Variants in ANKRD30A observed in about 807,000 individuals in gnomAD.
ANKRD30A encodes ankyrin repeat domain-containing protein 30A.
ANKRD30A carries 170 observed loss-of-function variants against 166.3 expected under a neutral mutation model. That is an observed-to-expected ratio of 1.02 (90% CI 0.90 to 1.16). The LOEUF (loss-of-function observed/expected upper bound fraction) is 1.16. Ranked by LOEUF, ANKRD30A falls within the 50% of genes most tolerant of loss-of-function variation. The probability of loss-of-function intolerance (pLI) is 0.00; values close to 1 mark genes in which losing one functional copy is unlikely to be tolerated. For synonymous variants in ANKRD30A, 564 were observed against 508.9 expected (o/e 1.11, Z -1.46); for missense variants, 1,630 against 1,518.0 (o/e 1.07, Z -1.23).
At position 37,216,314 on chromosome 10, in the gene ANKRD30A, G is replaced by C. The variant is rs140013037; in HGVS notation, c.3003G>C (p.Lys1001Asn). Residue 1001 changes from lysine to asparagine, a missense_variant, in exon 32 of 36, where the codon AAG becomes AAC. Physicochemically the swap from Lys to Asn is moderately conservative, Grantham distance 94. Coordinates refer to ENST00000361713, the MANE Select transcript of ANKRD30A (RefSeq NM_052997.3). ...QMKKKFCVLK[K>N]KLSEAKEIKS... The stretch of plus-strand genomic sequence containing the variant: ...AAAAGAAGTTTTGTGTACTGAAAAA[G>C]AAACTGTCAGAAGCAAAAGAAATAA... The C allele has an allele frequency of 3.2e-4, 519 of 1,608,664 alleles. 2 individuals carry two copies. The African/African-American group carries it at 6.0e-3, about 19-fold the overall frequency.
chr10:37,152,884 G>A (rs1838060388), intron 12 of ANKRD30A, among the ~76,000 whole-genome samples: 1 of 152,044 alleles, frequency 6.6e-6, no homozygotes, highest in Non-Finnish European at 1.5e-5. Context: ...AAGTCAATAG[G>A]TAGATTTTAT....
chr10:37,138,153 G>C (rs1284398180), intron 6 of ANKRD30A, among the ~76,000 whole-genome samples: 1 of 152,128 alleles, frequency 6.6e-6, no homozygotes, highest in Non-Finnish European at 1.5e-5. Context: ...TCCAACAGAC[G>C]TGCAGCTGAG....
chr10:37,220,341 T>G (rs903049292), intron 34 of ANKRD30A, among the ~76,000 whole-genome samples: 4 of 151,136 alleles, frequency 2.6e-5, no homozygotes, highest in Non-Finnish European at 5.9e-5. Flanking sequence ...CAATTTACTT[T>G]GACAGTTAAT....
At chr10:37,265,448 C>T in the ANKRD30A span, among the ~76,000 whole-genome samples, 2 of 152,180 alleles carry the variant, frequency 1.3e-5, no homozygotes, top group African/African-American at 4.8e-5. Flanking sequence ...TGCACTGGCT[C>T]TTCTTCTCTG....
In ANKRD30A at chr10:37,201,219, A is replaced by T. The variant is rs767760523; in HGVS notation, c.2779-16A>T. ...ATTTTTCCATTGAAATTATTTATTG[A>T]TATTACTTTTAACAGAGTCTCCGTG... On this transcript the variant is annotated splice_polypyrimidine_tract_variant and intron_variant, in intron 30 of 35. Transcript: ENST00000361713. The T allele has an allele frequency of 6.7e-7, 1 of 1,484,084 alleles. No homozygotes were observed. The highest frequency in any genetic ancestry group is 2.3e-5 in the Admixed American group (1 of 42,694). 91.9% of individuals were successfully genotyped at this position (1,484,084 alleles called of 1,614,324 possible).
At chr10:37,261,134 G>A in the ANKRD30A span, among the ~76,000 whole-genome samples, 1 of 152,138 alleles carries the variant, frequency 6.6e-6, no homozygotes, top group African/African-American at 2.4e-5. Flanking sequence ...TGACCCCTCA[G>A]GATAAAAATC....
At chr10:37,262,688 C>A in the ANKRD30A span, 1 of 153,098 alleles carries the variant, frequency 6.5e-6, no homozygotes, top group Non-Finnish European at 1.5e-5. Flanking sequence ...TTTATTGGAG[C>A]AAATTTGCAA....
downstream of ANKRD30A, chr10:37,232,697 T>TATATATATAA (rs1273812991): frequency 1.3e-5 from 1 of 78,400 alleles, no homozygotes; most frequent in African/African-American, 4.9e-5. Flanking sequence ...TATATATAAA[T>TATATATATAA]AGAGAGAGAG....
the ANKRD30A span, among the ~76,000 whole-genome samples, chr10:37,244,179 T>G: frequency 6.6e-6 from 1 of 152,176 alleles, no homozygotes; most frequent in Non-Finnish European, 1.5e-5. Flanking sequence ...CCTATTATTA[T>G]AGAGTTTCTT....
Position 37,158,536 on chromosome 10 carries a change from C to G in ANKRD30A, c.1850C>G (p.Ser617Cys). The change falls in exon 15 of 36, where the codon TCT (serine) becomes TGT (cysteine). Residue 617 changes from serine to cysteine, a missense_variant. Physicochemically the swap from Ser to Cys is moderately radical, Grantham distance 112. This residue lies in a region of ANKRD30A where 904 missense variants were observed against 818.5 expected (regional missense o/e 1.10). Transcript: ENST00000361713. The part of the protein sequence containing the change: ...LLKATCGMKV[S>C]IPTKALELKD... The stretch of plus-strand genomic sequence containing the variant: ...TAGGCTACCTGCGGAATGAAAGTTT[C>G]TATTCCAACTAAAGCCTTAGAATTG... The G allele has an allele frequency of 6.2e-7, 1 of 1,613,508 alleles. No homozygotes were observed.
intron 18 of ANKRD30A, among the ~76,000 whole-genome samples, chr10:37,166,311 A>G (rs1340823013): frequency 2.0e-5 from 3 of 152,190 alleles, no homozygotes; most frequent in Non-Finnish European, 2.9e-5. Context: ...TATTTTTAAG[A>G]GAGTTACTTT....
At chr10:37,156,057 G>T (rs1838356167) in intron 13 of ANKRD30A, among the ~76,000 whole-genome samples, 1 of 151,078 alleles carries the variant, frequency 6.6e-6, no homozygotes, top group Non-Finnish European at 1.5e-5. Flanking sequence ...CTCCAGTCTG[G>T]GCAACAGAGT....
chr10:37,236,858 A>G (rs1050157185), downstream of ANKRD30A, among the ~76,000 whole-genome samples: 2 of 152,200 alleles, frequency 1.3e-5, no homozygotes, highest in Non-Finnish European at 2.9e-5. Context: ...TAGTTTTTCT[A>G]AAAAAGAATT....
intron 31 of ANKRD30A, among the ~76,000 whole-genome samples, chr10:37,207,026 T>G (rs1842033776): frequency 6.6e-6 from 1 of 152,154 alleles, no homozygotes; most frequent in Admixed American, 6.6e-5. Context: ...ATTATTTTCT[T>G]TATGAGTTTT....
intron 21 of ANKRD30A, among the ~76,000 whole-genome samples, chr10:37,172,047 T>C (rs1839607433): frequency 7.0e-6 from 1 of 143,778 alleles, no homozygotes; most frequent in Non-Finnish European, 1.5e-5. Context: ...GTTACACTTA[T>C]TTATTTAAAA....
intron 31 of ANKRD30A, among the ~76,000 whole-genome samples, 166 bp from the exon 32 acceptor site, chr10:37,216,015 G>T (rs1422401144): frequency 6.6e-6 from 1 of 150,772 alleles, no homozygotes. Flanking sequence ...AACAAGAGGA[G>T]AGGTTTTTTT....
chr10:37,162,753 A>G, intron 16 of ANKRD30A, 23 bp from the exon 17 acceptor site: 1 of 1,613,614 alleles, frequency 6.2e-7, no homozygotes, highest in Non-Finnish European at 8.5e-7. Context: ...TTTATTAATC[A>G]TTTTGCTTCC....
chr10:37,158,655 T>TTTCATTCCC (rs1838579275), intron 15 of ANKRD30A, 69 bp downstream of exon 15: 2 of 1,581,800 alleles, frequency 1.3e-6, no homozygotes, highest in East Asian at 4.5e-5. Context: ...CTGTGAGACT[T>TTTCATTCCC]TTCATTCCCA....
At chr10:37,248,130 A>G in the ANKRD30A span, 5 of 609,730 alleles carry the variant, frequency 8.2e-6, no homozygotes, top group Middle Eastern at 4.3e-4. Context: ...TTTCACCGCT[A>G]TGCCTCCTTT....
Sources: gnomAD v4.1 joint callset for allele counts (sites outside exome capture counted in the v4.1 genomes callset) on GRCh38, gnomAD v4.1.1 for gene constraint, gnomAD v4.1.1 regional missense constraint, MANE v1.5 for transcripts, NCBI Gene and HGNC (gene_info 2026-07-23, HGNC 2026-07-21) for gene names.